LARGE1: variants seen among roughly 807,000 people sequenced by gnomAD.
LARGE1 encodes the protein LARGE xylosyl- and glucuronyltransferase 1, also known as xylosyl- and glucuronyltransferase LARGE1.
Under a neutral mutation model 87.6 loss-of-function variants are expected in LARGE1, and 43 were observed. The observed-to-expected ratio is 0.49, with a 90% CI of 0.38 to 0.63. The LOEUF (loss-of-function observed/expected upper bound fraction) is 0.63, where lower values mean the gene tolerates loss of function less well. LARGE1 is among the 30% of genes least tolerant of loss of function. The pLI, the probability that LARGE1 is intolerant of heterozygous loss-of-function variation, is 0.00. For synonymous variants in LARGE1, 434 were observed against 394.6 expected, an observed-to-expected ratio of 1.10 and a Z score of -1.18; for missense variants, 802 against 1,000.2, an observed-to-expected ratio of 0.80 and a Z score of 2.67.
At chr22:33,146,083 A>C in the LARGE1 span, among the ~76,000 whole-genome samples, 1 of 152,094 alleles carries the variant, frequency 6.6e-6, no homozygotes, top group Non-Finnish European at 1.5e-5. Context: ...AAATTCCTAA[A>C]CCTGTTTTGA....
chr22:33,326,841 G>T (rs78746260), intron 10 of LARGE1, among the ~76,000 whole-genome samples: 1,808 of 152,262 alleles, frequency 0.012, 37 homozygotes, highest in African/African-American at 0.041. Flanking sequence ...CAGGATCAAA[G>T]CAGCCAGGCC....
intron 1 of LARGE1, among the ~76,000 whole-genome samples, chr22:33,798,765 G>A (rs932577296): frequency 1.3e-5 from 2 of 152,124 alleles, no homozygotes; most frequent in Non-Finnish European, 2.9e-5. Context: ...TAGCTTCATT[G>A]GGTCCATGAC....
chr22:33,111,032 A>G, the LARGE1 span, among the ~76,000 whole-genome samples: 1 of 152,166 alleles, frequency 6.6e-6, no homozygotes, highest in African/African-American at 2.4e-5. Context: ...AAGAATGCCA[A>G]ACTGGGTGGG....
chr22:33,686,542 CAAAAAAAAAAA>C (rs532082764), intron 2 of LARGE1, among the ~76,000 whole-genome samples: 2 of 45,558 alleles, frequency 4.4e-5, no homozygotes, highest in African/African-American at 2.0e-4. Context: ...GACTCCATCT[CAAAAAAAAAAA>C]AAAAAAAAAA....
At chr22:33,157,276 G>A (rs564222470), downstream of LARGE1, among the ~76,000 whole-genome samples, 1 of 152,262 alleles carries the variant, frequency 6.6e-6, no homozygotes, top group African/African-American at 2.4e-5. Context: ...TAACCTTCTG[G>A]TCCTTTTTAA....
chr22:33,490,089 T>A (rs1038556972), intron 6 of LARGE1, among the ~76,000 whole-genome samples: 2 of 152,276 alleles, frequency 1.3e-5, no homozygotes, highest in Admixed American at 6.5e-5. Flanking sequence ...AGGGGGGCTC[T>A]GCTTAGGCAT....
chr22:33,187,146 T>C (rs891380205), intron 11 of LARGE1, among the ~76,000 whole-genome samples: 5 of 152,210 alleles, frequency 3.3e-5, no homozygotes, highest in African/African-American at 1.2e-4. Context: ...TGGGTATAAA[T>C]TCAAAGGAAA....
chr22:33,259,302 C>T (rs147040093), intron 11 of LARGE1, among the ~76,000 whole-genome samples: 5 of 151,152 alleles, frequency 3.3e-5, no homozygotes, highest in South Asian at 2.1e-4. Flanking sequence ...TTACTATCCA[C>T]GAGAAATCCA....
intron 1 of LARGE1, among the ~76,000 whole-genome samples, chr22:33,805,463 G>A (rs2086278249): frequency 6.6e-6 from 1 of 152,092 alleles, no homozygotes; most frequent in East Asian, 1.9e-4. Flanking sequence ...GTCGGGCACG[G>A]TGGCTCACGC....
At chr22:33,675,122 G>A (rs980092849) in intron 2 of LARGE1, among the ~76,000 whole-genome samples, 7 of 151,220 alleles carry the variant, frequency 4.6e-5, no homozygotes, top group African/African-American at 1.7e-4. Context: ...GCGAAATCCC[G>A]CCTCTATCAA....
chr22:33,422,541 GCT>G (rs963749093), intron 7 of LARGE1, among the ~76,000 whole-genome samples: 1 of 147,326 alleles, frequency 6.8e-6, no homozygotes, highest in Non-Finnish European at 1.5e-5. Flanking sequence ...ATGGAATCTT[GCT>G]CTGTTACCCA....
chr22:33,111,577 CCG>C, the LARGE1 span, among the ~76,000 whole-genome samples: 1 of 152,138 alleles, frequency 6.6e-6, no homozygotes, highest in Non-Finnish European at 1.5e-5. Flanking sequence ...ACAATTCCCC[CCG>C]TCCAGACTCA....
At chr22:33,113,718 A>G in the LARGE1 span, among the ~76,000 whole-genome samples, 3 of 152,142 alleles carry the variant, frequency 2.0e-5, no homozygotes, top group African/African-American at 7.2e-5. Flanking sequence ...GGCTGACTTG[A>G]GTTTCAAATT....
At chr22:33,808,354 C>T (rs1358827234) in intron 1 of LARGE1, among the ~76,000 whole-genome samples, 2 of 152,162 alleles carry the variant, frequency 1.3e-5, no homozygotes, top group African/African-American at 4.8e-5. Context: ...TTAGGCTGTT[C>T]TCTTCTTGTT....
chr22:33,464,808 G>A (rs1483363445), intron 6 of LARGE1, among the ~76,000 whole-genome samples: 1 of 151,868 alleles, frequency 6.6e-6, no homozygotes, highest in Non-Finnish European at 1.5e-5. Flanking sequence ...CACTAATAAA[G>A]TTGACTGTGT....
At chr22:33,353,391 CT>C (rs898101867) in intron 9 of LARGE1, among the ~76,000 whole-genome samples, 6 of 149,492 alleles carry the variant, frequency 4.0e-5, no homozygotes, top group Admixed American at 1.3e-4. Flanking sequence ...ACTTGTTTTT[CT>C]TTTTTTCTTT....
chr22:33,430,762 G>A (rs2067051646), intron 7 of LARGE1, among the ~76,000 whole-genome samples: 1 of 152,100 alleles, frequency 6.6e-6, no homozygotes, highest in Non-Finnish European at 1.5e-5. Flanking sequence ...CCCCCACTCT[G>A]ACCCCATCTG....
the LARGE1 span, among the ~76,000 whole-genome samples, chr22:33,098,180 T>C: frequency 4.5e-4 from 69 of 152,122 alleles, 1 homozygote; most frequent in Non-Finnish European, 1.5e-4. Flanking sequence ...TGGTGGCACA[T>C]GACTGTAGTC....
intron 11 of LARGE1, among the ~76,000 whole-genome samples, chr22:33,210,141 G>C (rs56951294): frequency 6.6e-6 from 1 of 152,210 alleles, no homozygotes; most frequent in Non-Finnish European, 1.5e-5. Context: ...ATCCAGAGCC[G>C]TGTTCTCCAG....
Sources: allele counts gnomAD v4.1 joint callset (sites outside exome capture counted in the v4.1 genomes callset), GRCh38; gene constraint gnomAD v4.1.1; transcripts MANE v1.5; gene names NCBI Gene and HGNC (gene_info 2026-07-23, HGNC 2026-07-21).